Variants in PANK1 observed in about 807,000 individuals in gnomAD.
PANK1 encodes pantothenate kinase 1, also known as pantothenic acid kinase 1.
In PANK1, 18 loss-of-function variants were observed where a neutral mutation model predicts 40.1. The ratio of observed to expected loss-of-function variants is 0.45; its 90% confidence interval spans 0.31 to 0.67. The LOEUF is 0.67. Among genes scored for constraint, PANK1 ranks in the 30% least tolerant of loss-of-function variants. The probability of loss-of-function intolerance (pLI) is 0.06; values close to 1 mark genes in which losing one functional copy is unlikely to be tolerated. For synonymous variants in PANK1, 242 were observed against 237.7 expected (o/e 1.02, Z -0.17); for missense variants, 457 against 599.6 (o/e 0.76, Z 2.48).
intron 1 of PANK1, among the ~76,000 whole-genome samples, chr10:89,620,296 T>C (rs1057087334): frequency 1.3e-5 from 2 of 152,234 alleles, no homozygotes; most frequent in African/African-American, 4.8e-5. Context: ...AACAGAGTCA[T>C]ATTTCTCTTC....
intron 1 of PANK1, chr10:89,613,977 T>C (rs1486396884): frequency 2.2e-6 from 1 of 456,638 alleles, no homozygotes; most frequent in Non-Finnish European, 4.4e-6. Flanking sequence ...ATGGGTTGCA[T>C]TAAAATTATC....
At chr10:89,582,887 T>C (rs547832412), downstream of PANK1, 1 of 152,272 alleles carries the variant, frequency 6.6e-6, no homozygotes, top group South Asian at 2.1e-4. Context: ...AATTTTGAAA[T>C]GTAGAGTAGC....
chr10:89,586,034 G>A (rs1844186586), intron 6 of PANK1, among the ~76,000 whole-genome samples: 1 of 152,164 alleles, frequency 6.6e-6, no homozygotes, highest in Non-Finnish European at 1.5e-5. Context: ...TGATATAGGC[G>A]ACTACATTTT....
intron 2 of PANK1, among the ~76,000 whole-genome samples, chr10:89,609,361 G>A (rs946090971): frequency 2.6e-5 from 4 of 152,224 alleles, no homozygotes; most frequent in African/African-American, 9.6e-5. Context: ...ACTTTCGCCT[G>A]ACTCTATATT....
At chr10:89,638,660 T>C (rs1414284631) in intron 1 of PANK1, among the ~76,000 whole-genome samples, 2 of 152,238 alleles carry the variant, frequency 1.3e-5, no homozygotes, top group Non-Finnish European at 2.9e-5. Context: ...ACATTCTGCC[T>C]TCCATAAAGC....
chr10:89,612,880 T>G (rs1274014798), intron 1 of PANK1, among the ~76,000 whole-genome samples: 2 of 152,184 alleles, frequency 1.3e-5, no homozygotes, highest in Non-Finnish European at 2.9e-5. Context: ...ATGAATATCT[T>G]TTAAAAGTTC....
chr10:89,618,856 A>T (rs2133975664), intron 1 of PANK1, among the ~76,000 whole-genome samples: 1 of 152,394 alleles, frequency 6.6e-6, no homozygotes, highest in East Asian at 1.9e-4. Flanking sequence ...ATGAATCAGA[A>T]TGGAGCTTCC....
chr10:89,641,164 T>C (rs1264509046), intron 1 of PANK1, among the ~76,000 whole-genome samples: 2 of 152,220 alleles, frequency 1.3e-5, no homozygotes, highest in Admixed American at 6.5e-5. Context: ...GTAGAAGTAT[T>C]GATTATGTTA....
At chr10:89,634,947 A>T (rs1175207220) in intron 1 of PANK1, among the ~76,000 whole-genome samples, 1 of 152,154 alleles carries the variant, frequency 6.6e-6, no homozygotes, top group East Asian at 1.9e-4. Context: ...GGAAGCTTCC[A>T]TTGAGGAGGT....
At chr10:89,595,028 G>C (rs368963482) in intron 3 of PANK1, among the ~76,000 whole-genome samples, 3 of 152,200 alleles carry the variant, frequency 2.0e-5, no homozygotes, top group Non-Finnish European at 4.4e-5. Context: ...TTCAATTTGT[G>C]TTTGAGCACT....
rs774832671 is a variant in PANK1, at chr10:89,644,571, G to A, written c.292+29C>T. ...GCCCCGCACGCTGCGTCTGCCTTGCGCCCGCGCTCCCCTCCCAGCGGGACT... is the reference window on the plus strand; with the variant it reads ...GCCCCGCACGCTGCGTCTGCCTTGCACCCGCGCTCCCCTCCCAGCGGGACT... On this transcript the variant is annotated intron_variant, in intron 1 of 6. Coordinates refer to ENST00000307534, the MANE Select transcript of PANK1 (RefSeq NM_148977.3). The A allele has an allele frequency of 8.9e-6, 14 of 1,565,936 alleles. No individual in the cohort carries two copies. The Admixed American group carries it at 1.9e-4, about 21-fold the overall frequency.
In PANK1 at chr10:89,592,262, C is replaced by CA. The variant is rs544272860; in HGVS notation, c.1200+934dup. 2.1e-3 allele frequency among the ~76,000 whole-genome samples: 318 copies of CA among 152,270 alleles called. 1 individual carries two copies. Among genetic ancestry groups the CA allele is most frequent in the Non-Finnish European group, 4.1e-3 (277 of 68,014 alleles). ...GTATGTTTTTTGTCAACCCAGAACTCAAAGGCAGGGCTAACACCCATGTAT... is the reference window on the plus strand; with the variant it reads ...GTATGTTTTTTGTCAACCCAGAACTCAAAAGGCAGGGCTAACACCCATGTAT... On this transcript the variant is annotated intron_variant, in intron 5 of 6. Transcript: ENST00000307534.
At chr10:89,628,785 TAAAC>T (rs886603053) in intron 1 of PANK1, among the ~76,000 whole-genome samples, 2 of 152,236 alleles carry the variant, frequency 1.3e-5, no homozygotes, top group African/African-American at 4.8e-5. Flanking sequence ...TCCATACTCT[TAAAC>T]AAAACAGACT....
chr10:89,602,624 A>G (rs149120861), intron 2 of PANK1, among the ~76,000 whole-genome samples: 139 of 152,316 alleles, frequency 9.1e-4, no homozygotes, highest in African/African-American at 3.1e-3. Flanking sequence ...CAGCATGTTG[A>G]GATTTCAGCT....
intron 5 of PANK1, among the ~76,000 whole-genome samples, chr10:89,592,072 T>C (rs770659611): frequency 1.1e-4 from 17 of 152,212 alleles, no homozygotes; most frequent in African/African-American, 3.6e-4. Flanking sequence ...CTCTGTTACA[T>C]TGAGTCCCAT....
At chr10:89,616,988 A>ACTTTAG (rs1845339797) in intron 1 of PANK1, among the ~76,000 whole-genome samples, 1 of 152,184 alleles carries the variant, frequency 6.6e-6, no homozygotes. Flanking sequence ...GGGTTGAAAA[A>ACTTTAG]GGTGATAGAT....
Position 89,583,177 on chromosome 10 carries a change from G to C in PANK1, c.*1229C>G, listed in dbSNP as rs140633061. On this transcript the variant is annotated 3_prime_UTR_variant, in exon 7 of 7. Coordinates refer to ENST00000307534, the MANE Select transcript of PANK1 (RefSeq NM_148977.3). Reference sequence around the variant, plus strand: ...CAATAAGCTCAATACACAAGATCATGGGATCTCATGCATCCCAATATTTGT... The same window carrying C: ...CAATAAGCTCAATACACAAGATCATCGGATCTCATGCATCCCAATATTTGT... The C allele has an allele frequency of 8.3e-4, 127 of 152,112 alleles. 1 individual carries two copies. The highest frequency in any genetic ancestry group is 2.8e-3 in the African/African-American group (117 of 41,514). 9.4% of individuals were successfully genotyped at this position (152,112 alleles called of 1,614,324 possible). A position where few individuals can be genotyped will look rare whatever the true frequency, so the allele number is the denominator to read the frequency against.
chr10:89,643,983 A>T, intron 1 of PANK1: 1 of 718,562 alleles, frequency 1.4e-6, no homozygotes, highest in Admixed American at 3.5e-5. Context: ...ATTGGTCCAC[A>T]TAGTTCCGGC....
At chr10:89,631,962 G>GTA in intron 1 of PANK1, among the ~76,000 whole-genome samples, 1 of 79,720 alleles carries the variant, frequency 1.3e-5, no homozygotes, top group Admixed American at 1.4e-4. Context: ...CAGATTGTGT[G>GTA]TGTGTGTGTG....
Sources: allele counts gnomAD v4.1 joint callset (sites outside exome capture counted in the v4.1 genomes callset), GRCh38; gene constraint gnomAD v4.1.1; transcripts MANE v1.5; gene names NCBI Gene and HGNC (gene_info 2026-07-23, HGNC 2026-07-21).